The following CHCHD10 variants were observed in gnomAD, a reference collection of about 807,000 sequenced individuals.
CHCHD10 encodes coiled-coil-helix-coiled-coil-helix domain-containing protein 10, mitochondrial.
Under a neutral mutation model 14.8 loss-of-function variants are expected in CHCHD10, and 10 were observed. That is an observed-to-expected ratio of 0.67 (90% confidence interval 0.42 to 1.14). The LOEUF (loss-of-function observed/expected upper bound fraction) is 1.14. Among genes scored for constraint, CHCHD10 ranks in the 50% most tolerant of loss-of-function variants. The pLI, the probability that CHCHD10 is intolerant of heterozygous loss-of-function variation, is 0.00. For missense variants in CHCHD10, 203 were observed against 196.9 expected, an observed-to-expected ratio of 1.03 and a Z score of -0.19; for synonymous variants, 90 against 85.2, an observed-to-expected ratio of 1.06 and a Z score of -0.31.
chr22:23,766,576 C>CACCGA, intron 2 of CHCHD10: 1 of 330,048 alleles, frequency 3.0e-6, no homozygotes, highest in South Asian at 4.7e-5. Context: ...CCTTGGCCTC[C>CACCGA]CAAGTAGCTG....
rs766426370 is a variant in CHCHD10, at chr22:23,767,867, C to G, written c.8G>C (p.Arg3Pro). 6.6e-7 allele frequency: 1 copy of G among 1,513,504 alleles called. No homozygotes were observed. The highest frequency in any genetic ancestry group is 1.2e-5 in the South Asian group (1 of 80,884). The allele number at this position is 1,513,504 out of a possible 1,614,324, so 93.8% of individuals were successfully genotyped here. Reference sequence around the variant, plus strand: ...CCGGGAGGCCGCGCTGCGGCTTCCCCGAGGCATGGTGGCGGCGGTGGGACC... The same window carrying G: ...CCGGGAGGCCGCGCTGCGGCTTCCCGGAGGCATGGTGGCGGCGGTGGGACC... The part of the protein sequence containing the change: MP[R>P]GSRSAASRPA... Residue 3 changes from arginine to proline, a missense_variant, in exon 1 of 4, where the codon CGG (arginine) becomes CCG (proline). Coordinates refer to ENST00000484558, the MANE Select transcript of CHCHD10 (RefSeq NM_213720.3).
intron 1 of CHCHD10, 26 bp from the exon 2 acceptor site, chr22:23,767,619 TA>T: frequency 9.8e-7 from 1 of 1,019,230 alleles, no homozygotes; most frequent in Non-Finnish European, 1.3e-6. Flanking sequence ...GAAGCAGGGT[TA>T]ATCCTGGCCA....
rs780072582 is a variant in CHCHD10 at position 23,766,220 on chromosome 22, A to C, written c.317T>G (p.Ile106Ser). 1 of 1,592,662 alleles carries C rather than the reference A, an allele frequency of 6.3e-7. No individual in the cohort carries two copies. The highest frequency in any genetic ancestry group is 8.6e-7 in the Non-Finnish European group (1 of 1,169,532). Residue 106 changes from isoleucine to serine, a missense_variant, in exon 3 of 4, where the codon ATC (isoleucine) becomes AGC (serine). Physicochemically the swap from Ile to Ser is moderately radical, Grantham distance 142. Transcript: ENST00000484558. ...PLQMGPCAYE[I>S]RQFLDCSTTQ... ...GGTGGAACAGTCCAGGAACTGCCTG[A>C]TCTCGTAGGCGCAGGGCCCCATCTG...
chr22:23,767,320 CCT>C, intron 2 of CHCHD10, 52 bp downstream of exon 2: 2 of 1,469,080 alleles, frequency 1.4e-6, no homozygotes, highest in South Asian at 2.3e-5. Flanking sequence ...TGGGCAGCTC[CCT>C]GTGTGGCCTC....
Position 23,766,363 on chromosome 22 carries a change from C to T in CHCHD10, c.262-88G>A, listed in dbSNP as rs1365288640. 1.6e-6 allele frequency: 2 copies of T among 1,238,838 alleles called. 1 individual carries two copies. The highest frequency in any genetic ancestry group is 2.2e-6 in the Non-Finnish European group (2 of 898,964). 76.7% of individuals were successfully genotyped at this position (1,238,838 alleles called of 1,614,324 possible). A position where few individuals can be genotyped will look rare whatever the true frequency, so the allele number is the denominator to read the frequency against. ...AAACCTGGGGCCACCTGCCCCTCCC[C>T]ACATCCCCAGCCTGGGTGTCCCAAG... On this transcript the variant is annotated intron_variant, in intron 2 of 3. Coordinates refer to ENST00000484558, the MANE Select transcript of CHCHD10 (RefSeq NM_213720.3).
In CHCHD10 at chr22:23,766,259, GCA is replaced by G. The variant is rs1601355371; in HGVS notation, c.276_277del (p.Ala93ProfsTer25). 23 of 1,508,554 alleles carry G rather than the reference GCA, an allele frequency of 1.5e-5. No individual in the cohort carries two copies. Among genetic ancestry groups the G allele is most frequent in the Non-Finnish European group, 1.6e-5 (18 of 1,112,806 alleles). The allele number at this position is 1,508,554 out of a possible 1,614,324, so 93.4% of individuals were successfully genotyped here. A position where few individuals can be genotyped will look rare whatever the true frequency, so the allele number is the denominator to read the frequency against. On this transcript the variant is annotated frameshift_variant, in exon 3 of 4. Transcript: ENST00000484558. LOFTEE classifies it high-confidence loss of function. ...GGGCCCCATCTGCAGGGGCTGGGGG[GCA>G]GCGGGGGTGGGGGCCTGGGGGTACA...
Position 23,767,509 on chromosome 22 carries a change from C to A in CHCHD10, c.126G>T (p.Pro42=). 1 of 1,468,818 alleles carries A rather than the reference C, an allele frequency of 6.8e-7. No individual in the cohort carries two copies. Among genetic ancestry groups the A allele is most frequent in the Non-Finnish European group, 9.1e-7 (1 of 1,102,614 alleles). 91.0% of individuals were successfully genotyped at this position (1,468,818 alleles called of 1,614,324 possible). A position where few individuals can be genotyped will look rare whatever the true frequency, so the allele number is the denominator to read the frequency against. Residue 42 remains proline (P), a synonymous_variant, in exon 2 of 4, where the codon CCG becomes CCT. Transcript: ENST00000484558. The stretch of plus-strand genomic sequence containing the variant: ...TGGTCGCCATCTGAGCCATGAGCCC[C>A]GGCTGGCCCGAAGGGGCGGGGGCTG... ...AAPAPAPSGQ[P]GLMAQMATTA...
At position 23,766,261 on chromosome 22, in the gene CHCHD10, A is replaced by C; in HGVS notation, c.276T>G (p.Ala92=). ...GCCCCATCTGCAGGGGCTGGGGGGC[A>C]GCGGGGGTGGGGGCCTGGGGGTACA... ...QPAVQQAPTP[A]APQPLQMGPC... Residue 92 remains alanine, a synonymous_variant, in exon 3 of 4, where the codon GCT becomes GCG. Coordinates refer to ENST00000484558, the MANE Select transcript of CHCHD10 (RefSeq NM_213720.3). The C allele has an allele frequency of 4.5e-4, 477 of 1,071,644 alleles. No individual in the cohort carries two copies. The highest frequency in any genetic ancestry group is 5.7e-4 in the Non-Finnish European group (432 of 759,724). 66.4% of individuals were successfully genotyped at this position (1,071,644 alleles called of 1,614,324 possible). A position where few individuals can be genotyped will look rare whatever the true frequency, so the allele number is the denominator to read the frequency against.
At position 23,765,840 on chromosome 22, in the gene CHCHD10, C is replaced by T; in HGVS notation, c.*167G>A. The T allele has an allele frequency of 6.5e-7, 1 of 1,528,954 alleles. No individual in the cohort carries two copies. Among genetic ancestry groups the T allele is most frequent in the East Asian group, 2.4e-5 (1 of 40,978 alleles). 94.7% of individuals were successfully genotyped at this position (1,528,954 alleles called of 1,614,324 possible). The stretch of plus-strand genomic sequence containing the variant: ...AGAGAGGCACACAACAGGCTGTGGT[C>T]TAAAATAAACTTTTAATTGCACATT... On this transcript the variant is annotated 3_prime_UTR_variant, in exon 4 of 4. Transcript: ENST00000484558.
chr22:23,767,794 C>A (rs746525794), intron 1 of CHCHD10, 40 bp downstream of exon 1: 1 of 1,517,084 alleles, frequency 6.6e-7, no homozygotes, highest in Non-Finnish European at 8.9e-7. Context: ...GCCCACACTT[C>A]CCTAACCCCC....
Position 23,767,369 on chromosome 22 carries a change from C to G in CHCHD10, c.261+5G>C. The G allele has an allele frequency of 6.2e-7, 1 of 1,607,944 alleles. No individual in the cohort carries two copies. The highest frequency in any genetic ancestry group is 8.5e-7 in the Non-Finnish European group (1 of 1,178,250). On this transcript the variant is annotated splice_donor_5th_base_variant and intron_variant, in intron 2 of 3. Coordinates refer to ENST00000484558, the MANE Select transcript of CHCHD10 (RefSeq NM_213720.3). ...GCCTCAGTTTCTCTTGGACTCGCTG[C>G]TCACCTGCTGGACAGCAGGCTGGGA...
intron 1 of CHCHD10, 65 bp downstream of exon 1, chr22:23,767,769 C>T (rs1926978717): frequency 7.4e-7 from 1 of 1,348,264 alleles, no homozygotes; most frequent in Non-Finnish European, 1.0e-6. Flanking sequence ...ACTCTGCGGA[C>T]GCCCTTAGGG....
chr22:23,767,457 C>T lies in CHCHD10; in HGVS notation c.178G>A (p.Ala60Thr). Residue 60 changes from alanine (A) to threonine (T), a missense_variant, in exon 2 of 4, where the codon GCT becomes ACT. By Grantham distance (58) the Ala-to-Thr change is moderately conservative. Transcript: ENST00000484558. ...GCGCTGCCCATGACGTGTCCCACAG[C>T]CGAGCCCACGGCTACCCCTGCGGCC... The part of the protein sequence containing the change: ...TTAAGVAVGS[A>T]VGHVMGSALT... 6.2e-7 allele frequency: 1 copy of T among 1,601,148 alleles called. No homozygotes were observed. Among genetic ancestry groups the T allele is most frequent in the Non-Finnish European group, 8.5e-7 (1 of 1,175,524 alleles).
chr22:23,767,865 C>G lies in CHCHD10; in HGVS notation c.10G>C (p.Gly4Arg), dbSNP rs945463572. MPR[G>R]SRSAASRPAS... ...GGCCGGGAGGCCGCGCTGCGGCTTC[C>G]CCGAGGCATGGTGGCGGCGGTGGGA... is the stretch of plus-strand genomic sequence containing the variant. The change falls in exon 1 of 4, where the codon GGA becomes CGA. Residue 4 changes from glycine (G) to arginine (R), a missense_variant. Coordinates refer to ENST00000484558, the MANE Select transcript of CHCHD10 (RefSeq NM_213720.3). The G allele has an allele frequency of 1.2e-5, 18 of 1,514,762 alleles. No homozygotes were observed. Among genetic ancestry groups the G allele is most frequent in the Non-Finnish European group, 1.6e-5 (18 of 1,130,046 alleles). The allele number at this position is 1,514,762 out of a possible 1,614,324, so 93.8% of individuals were successfully genotyped here.
chr22:23,765,968 G>A lies in CHCHD10; in HGVS notation c.*39C>T. Reference sequence around the variant, plus strand: ...GTCTGGCTGTCGGCGAGGGGTAGAGGTGGGTGCAGGACTGGCCCCCGAGTC... The same window carrying A: ...GTCTGGCTGTCGGCGAGGGGTAGAGATGGGTGCAGGACTGGCCCCCGAGTC... On this transcript the variant is annotated 3_prime_UTR_variant, in exon 4 of 4. Transcript: ENST00000484558. 6.2e-7 allele frequency: 1 copy of A among 1,612,930 alleles called. No individual in the cohort carries two copies. Among genetic ancestry groups the A allele is most frequent in the Non-Finnish European group, 8.5e-7 (1 of 1,179,760 alleles).
At chr22:23,767,243 C>G (rs183205354) in intron 2 of CHCHD10, 131 bp downstream of exon 2, 33 of 758,806 alleles carry the variant, frequency 4.3e-5, no homozygotes, top group African/African-American at 3.0e-4. Context: ...TGGACTAGGA[C>G]CCTTCCCGGG....
At chr22:23,767,734 A>G in intron 1 of CHCHD10, 100 bp downstream of exon 1, 1 of 1,119,568 alleles carries the variant, frequency 8.9e-7, no homozygotes, top group Admixed American at 2.6e-5. Context: ...CCCCCCGCCA[A>G]GATGGCGCAG....
chr22:23,767,468 G>A lies in CHCHD10; in HGVS notation c.167C>T (p.Ala56Val). Reference sequence around the variant, plus strand: ...GACGTGTCCCACAGCCGAGCCCACGGCTACCCCTGCGGCCGTGGTCGCCAT... The same window carrying A: ...GACGTGTCCCACAGCCGAGCCCACGACTACCCCTGCGGCCGTGGTCGCCAT... ...AQMATTAAGV[A>V]VGSAVGHVMG... Residue 56 changes from alanine (A) to valine (V), a missense_variant, in exon 2 of 4, where the codon GCC becomes GTC. By Grantham distance (64) the Ala-to-Val change is moderately conservative. Transcript: ENST00000484558. The A allele has an allele frequency of 6.3e-7, 1 of 1,589,558 alleles. No individual in the cohort carries two copies. The highest frequency in any genetic ancestry group is 1.1e-5 in the South Asian group (1 of 88,412).
chr22:23,767,883 C>T lies in CHCHD10; in HGVS notation c.-9G>A, dbSNP rs755298696. 5.3e-6 allele frequency: 8 copies of T among 1,505,022 alleles called. No homozygotes were observed. The highest frequency in any genetic ancestry group is 2.5e-5 in the South Asian group (2 of 79,908). 93.2% of individuals were successfully genotyped at this position (1,505,022 alleles called of 1,614,324 possible). A position where few individuals can be genotyped will look rare whatever the true frequency, so the allele number is the denominator to read the frequency against. On this transcript the variant is annotated 5_prime_UTR_variant, in exon 1 of 4. Transcript: ENST00000484558. ...CGGCTTCCCCGAGGCATGGTGGCGGCGGTGGGACCCGGGCGACCTTAGAGA... is the reference window on the plus strand; with the variant it reads ...CGGCTTCCCCGAGGCATGGTGGCGGTGGTGGGACCCGGGCGACCTTAGAGA...
Sources: gnomAD v4.1 joint callset for allele counts on GRCh38, gnomAD v4.1.1 for gene constraint, MANE v1.5 for transcripts, NCBI Gene and HGNC (gene_info 2026-07-23, HGNC 2026-07-21) for gene names.